LRFN5: variants seen among roughly 807,000 people sequenced by gnomAD.
LRFN5 encodes the protein leucine rich repeat and fibronectin type III domain containing 5.
In LRFN5, 24 loss-of-function variants were observed where a neutral mutation model predicts 45.6. The observed-to-expected ratio is 0.53, with a 90% CI of 0.38 to 0.74. LRFN5 has a LOEUF of 0.74. Ranked by LOEUF, LRFN5 falls within the 30% of genes least tolerant of loss-of-function variation. LRFN5 has a pLI of 0.00. For missense variants in LRFN5, 776 were observed against 861.5 expected (o/e 0.90, Z 1.24); for synonymous variants, 340 against 313.8 (o/e 1.08, Z -0.88).
Position 41,846,233 on chromosome 14 carries a change from G to A in LRFN5, c.-20-40373G>A, listed in dbSNP as rs201019238. 6.1e-3 allele frequency among the ~76,000 whole-genome samples: 535 copies of A among 87,828 alleles called. 5 individuals carry two copies. The highest frequency in any genetic ancestry group is 0.023 in the African/African-American group (495 of 21,332). 57.6% of individuals were successfully genotyped at this position (87,828 alleles called of 152,430 possible). On this transcript the variant is annotated intron_variant, in intron 2 of 5. Coordinates refer to ENST00000298119, the MANE Select transcript of LRFN5 (RefSeq NM_152447.5). ...TACACAGACACACACACACACACAC[G>A]CACACACACACTTTCCCATCTGGCA...
chr14:41,734,316 T>TATATATATATATATATATATATA (rs1884314909), intron 1 of LRFN5, among the ~76,000 whole-genome samples: 2 of 38,768 alleles, frequency 5.2e-5, no homozygotes, highest in African/African-American at 1.1e-4. Flanking sequence ...TGGACTGGTT[T>TATATATATATATATATATATATA]TATATATATA....
chr14:41,779,091 A>G (rs1886393492), intron 2 of LRFN5, among the ~76,000 whole-genome samples: 1 of 151,748 alleles, frequency 6.6e-6, no homozygotes, highest in Non-Finnish European at 1.5e-5. Flanking sequence ...TTTTAGAGGG[A>G]AGGCATCTAG....
At chr14:41,864,379 T>C (rs1889771116) in intron 2 of LRFN5, among the ~76,000 whole-genome samples, 1 of 152,226 alleles carries the variant, frequency 6.6e-6, no homozygotes, top group African/African-American at 2.4e-5. Context: ...TGGCGTGAGA[T>C]GGTATCTCAT....
chr14:41,665,176 G>A (rs557746077), intron 1 of LRFN5, among the ~76,000 whole-genome samples: 23 of 151,682 alleles, frequency 1.5e-4, no homozygotes, highest in Non-Finnish European at 2.2e-4. Context: ...TTCTTATGCT[G>A]TCTGGTTTCC....
chr14:41,843,758 T>C (rs979107467), intron 2 of LRFN5, among the ~76,000 whole-genome samples: 5 of 152,188 alleles, frequency 3.3e-5, no homozygotes, highest in African/African-American at 4.8e-5. Flanking sequence ...TCTGAATATA[T>C]GGTCCATGTA....
intron 1 of LRFN5, among the ~76,000 whole-genome samples, chr14:41,722,035 C>T (rs114813922): frequency 0.033 from 5,012 of 152,000 alleles, 282 homozygotes; most frequent in African/African-American, 0.11. Flanking sequence ...TTACATAATT[C>T]TATATTTTTT....
chr14:41,876,846 T>C (rs1385258852), intron 2 of LRFN5, among the ~76,000 whole-genome samples: 1 of 152,120 alleles, frequency 6.6e-6, no homozygotes, highest in Non-Finnish European at 1.5e-5. Flanking sequence ...TAAACCTCTA[T>C]CAATTGAGAC....
At chr14:41,731,992 C>A (rs1326093117) in intron 1 of LRFN5, 1 of 152,168 alleles carries the variant, frequency 6.6e-6, no homozygotes, top group Non-Finnish European at 1.5e-5. Context: ...TCTGTCTTCT[C>A]ATCCAGACAA....
In LRFN5 at chr14:41,755,574, A is replaced by G. The variant is rs369393629; in HGVS notation, c.-196-11280A>G. On this transcript the variant is annotated intron_variant, in intron 1 of 5. Transcript: ENST00000298119. ...TGGTTTAAAGTCTGTTTTATCAGAG[A>G]CTAGGATTGCAACCCCTGCCTTTTT... Among the ~76,000 whole-genome samples the G allele has an allele frequency of 2.0e-4, 31 of 152,210 alleles. 1 individual carries two copies. Among genetic ancestry groups the G allele is most frequent in the Admixed American group, 1.6e-3 (24 of 15,294 alleles).
At chr14:41,754,225 C>CT (rs1885271075) in intron 1 of LRFN5, among the ~76,000 whole-genome samples, 1 of 151,944 alleles carries the variant, frequency 6.6e-6, no homozygotes, top group South Asian at 2.1e-4. Context: ...CTAAAATTCT[C>CT]TTTTTTTGTT....
At chr14:41,831,777 T>C (rs1419328286) in intron 2 of LRFN5, among the ~76,000 whole-genome samples, 2 of 152,174 alleles carry the variant, frequency 1.3e-5, no homozygotes, top group African/African-American at 4.8e-5. Flanking sequence ...TTCCCTTTGC[T>C]CTTGTCTTAG....
chr14:41,808,580 AGG>A (rs1887626398), intron 2 of LRFN5, among the ~76,000 whole-genome samples: 1 of 149,700 alleles, frequency 6.7e-6, no homozygotes, highest in South Asian at 2.1e-4. Context: ...GAAGGAAGGA[AGG>A]AAGGAAGGAA....
intron 1 of LRFN5, among the ~76,000 whole-genome samples, chr14:41,752,530 T>C (rs1376022489): frequency 6.6e-6 from 1 of 152,234 alleles, no homozygotes; most frequent in Non-Finnish European, 1.5e-5. Flanking sequence ...GATGAGCATT[T>C]TTTCATGTGT....
At chr14:41,683,183 G>A (rs1008014664) in intron 1 of LRFN5, among the ~76,000 whole-genome samples, 1 of 152,122 alleles carries the variant, frequency 6.6e-6, no homozygotes, top group Non-Finnish European at 1.5e-5. Context: ...ACCAATCAAT[G>A]TGATACATCG....
chr14:41,775,109 G>A (rs999461827), intron 2 of LRFN5, among the ~76,000 whole-genome samples: 1 of 13,794 alleles, frequency 7.2e-5, no homozygotes, highest in African/African-American at 3.8e-4. Flanking sequence ...TTTTTTTTTT[G>A]AGACGGAGTC....
At chr14:41,721,000 A>G (rs1214384886) in intron 1 of LRFN5, among the ~76,000 whole-genome samples, 3 of 152,098 alleles carry the variant, frequency 2.0e-5, no homozygotes. Context: ...TCCTACTATC[A>G]TTCTGTGGCT....
chr14:41,736,558 C>G (rs12437068), intron 1 of LRFN5, among the ~76,000 whole-genome samples: 25,229 of 151,970 alleles, frequency 0.17, 2,191 homozygotes, highest in Admixed American at 0.19. Flanking sequence ...CTGTTCACTT[C>G]GGTGATAGTT....
chr14:41,762,102 G>T (rs1885695668), intron 1 of LRFN5, among the ~76,000 whole-genome samples: 1 of 142,772 alleles, frequency 7.0e-6, no homozygotes, highest in South Asian at 2.2e-4. Flanking sequence ...TGAAAAGCAA[G>T]CACAACCTCT....
At chr14:41,745,236 G>T (rs902939734) in intron 1 of LRFN5, among the ~76,000 whole-genome samples, 5 of 151,932 alleles carry the variant, frequency 3.3e-5, no homozygotes, top group Non-Finnish European at 7.4e-5. Flanking sequence ...TGAAAATACC[G>T]CAAATTTGTC....
Sources: gnomAD v4.1 joint callset for allele counts (sites outside exome capture counted in the v4.1 genomes callset) on GRCh38, gnomAD v4.1.1 for gene constraint, MANE v1.5 for transcripts, NCBI Gene and HGNC (gene_info 2026-07-23, HGNC 2026-07-21) for gene names.